The following SH3PXD2A variants were observed in gnomAD, a reference collection of about 807,000 sequenced individuals.
SH3PXD2A encodes the protein SH3 and PX domains 2A.
In SH3PXD2A, 32 loss-of-function variants were observed where a neutral mutation model predicts 115.2. That is an observed-to-expected ratio of 0.28 (90% CI 0.21 to 0.37). SH3PXD2A has a LOEUF of 0.37. SH3PXD2A is among the 10% of genes least tolerant of loss of function. SH3PXD2A has a pLI of 1.00. For missense variants in SH3PXD2A, 1,328 were observed against 1,498.7 expected, an observed-to-expected ratio of 0.89 and a Z score of 1.88; for synonymous variants, 610 against 629.1, an observed-to-expected ratio of 0.97 and a Z score of 0.45.
chr10:103,784,770 G>A lies in SH3PXD2A; in HGVS notation c.153+16512C>T, dbSNP rs1393562874. 6.6e-6 allele frequency among the ~76,000 whole-genome samples: 1 copy of A among 151,694 alleles called. No individual in the cohort carries two copies. Among genetic ancestry groups the A allele is most frequent in the Admixed American group, 6.6e-5 (1 of 15,228 alleles). The stretch of plus-strand genomic sequence containing the variant: ...GAGGAGGAGAAGTAAGAAGGAGGAA[G>A]GAAGGGGAGAAGGGGGAAAAGGAGA... On this transcript the variant is annotated intron_variant, in intron 2 of 14. Transcript: ENST00000369774. The surrounding 1 kb of genome is among the most constrained non-coding windows in gnomAD (Gnocchi z 4.4).
In SH3PXD2A at chr10:103,613,040, C is replaced by T. The variant is rs764663300; in HGVS notation, c.1071G>A (p.Gly357=). The change falls in exon 12 of 15, where the codon GGG becomes GGA. Residue 357 remains glycine (G), a synonymous_variant. Coordinates refer to ENST00000369774, the MANE Select transcript of SH3PXD2A (RefSeq NM_001394015.1). ...CTTCGGCTGGTGGAGTTTCCTTGTC[C>T]CCAGACGCCTTCTTGTTCAGCAGGT... is the stretch of plus-strand genomic sequence containing the variant. ...ISNLLNKKAS[G]DKETPPAEGE... is the part of the protein sequence containing the mutation. 1 of 1,614,116 alleles carries T rather than the reference C, an allele frequency of 6.2e-7. No individual in the cohort carries two copies. Among genetic ancestry groups the T allele is most frequent in the Non-Finnish European group, 8.5e-7 (1 of 1,180,056 alleles).
rs1284859979 is a variant in SH3PXD2A at position 103,701,597 on chromosome 10, GCATCCATCATC to G, written c.399-8552_399-8542del. Among the ~76,000 whole-genome samples the G allele has an allele frequency of 2.7e-3, 195 of 73,252 alleles. 1 individual carries two copies. In the South Asian group the frequency reaches 0.071, roughly 27 times the overall value. The allele number at this position is 73,252 out of a possible 152,430, so 48.1% of individuals were successfully genotyped here. A position where few individuals can be genotyped will look rare whatever the true frequency, so the allele number is the denominator to read the frequency against. The stretch of plus-strand genomic sequence containing the variant: ...CATCCATCCATCATCCATCCATCAT[GCATCCATCATC>G]CATCCATCATCCATCCATCCACCAT... On this transcript the variant is annotated intron_variant, in intron 5 of 14. Transcript: ENST00000369774.
chr10:103,615,102 C>T (rs765521763), intron 11 of SH3PXD2A, among the ~76,000 whole-genome samples: 18 of 152,198 alleles, frequency 1.2e-4, no homozygotes, highest in Non-Finnish European at 1.5e-4. Context: ...CCAACAACTA[C>T]GGCTCAGAAA....
At chr10:103,675,063 C>A (rs986885289) in intron 6 of SH3PXD2A, among the ~76,000 whole-genome samples, 3 of 152,088 alleles carry the variant, frequency 2.0e-5, no homozygotes, top group African/African-American at 7.2e-5. Context: ...ATACCCATGG[C>A]ATGAAAAAAG....
At chr10:103,733,723 A>C (rs1409771107) in intron 4 of SH3PXD2A, among the ~76,000 whole-genome samples, 1 of 152,208 alleles carries the variant, frequency 6.6e-6, no homozygotes, top group Non-Finnish European at 1.5e-5. Flanking sequence ...TGGGAATGCC[A>C]GTTAATAAAT....
chr10:103,754,917 A>C (rs999659881), intron 3 of SH3PXD2A: 9 of 152,194 alleles, frequency 5.9e-5, no homozygotes, highest in African/African-American at 2.2e-4. Context: ...AGCCCTAAAG[A>C]CACAGTAGAC....
At chr10:103,629,164 G>A (rs528445576) in intron 8 of SH3PXD2A, among the ~76,000 whole-genome samples, 8 of 152,334 alleles carry the variant, frequency 5.3e-5, no homozygotes, top group Admixed American at 3.3e-4. Context: ...CTGGAAGAGG[G>A]CAGGTGGGCA....
intron 1 of SH3PXD2A, among the ~76,000 whole-genome samples, chr10:103,822,289 C>G (rs1020519595): frequency 2.6e-5 from 4 of 152,228 alleles, no homozygotes; most frequent in African/African-American, 7.2e-5. Flanking sequence ...TGCACAAAAG[C>G]AACTTTATTA....
intron 13 of SH3PXD2A, chr10:103,608,648 AAAAG>A (rs1166137097): frequency 6.6e-6 from 1 of 151,068 alleles, no homozygotes; most frequent in Non-Finnish European, 1.5e-5. Flanking sequence ...AAAAAAAAAA[AAAAG>A]AGAAAAAAAC....
At position 103,627,096 on chromosome 10, in the gene SH3PXD2A, A is replaced by C; in HGVS notation, c.711T>G (p.Thr237=). The change falls in exon 9 of 15, where the codon ACT becomes ACG. Residue 237 remains threonine (T), a synonymous_variant. Coordinates refer to ENST00000369774, the MANE Select transcript of SH3PXD2A (RefSeq NM_001394015.1). This position sits in a 1 kb window ranked among gnomAD's most constrained non-coding sequence, Gnocchi z 4.4. The stretch of plus-strand genomic sequence containing the variant: ...GGACCTGCAAGCCCTCACCTTCTCC[A>C]GTCTTAGAGGTGTTGATGTCGGAGT... The part of the protein sequence containing the change: ...RDDSDINTSK[T]GEVSKRRKAH... 1 of 1,597,328 alleles carries C rather than the reference A, an allele frequency of 6.3e-7. No individual in the cohort carries two copies. Among genetic ancestry groups the C allele is most frequent in the Non-Finnish European group, 8.6e-7 (1 of 1,164,680 alleles).
intron 6 of SH3PXD2A, among the ~76,000 whole-genome samples, chr10:103,670,552 C>T (rs1355640211): frequency 1.3e-5 from 2 of 152,180 alleles, no homozygotes; most frequent in South Asian, 2.1e-4. Context: ...AGGACAAGAA[C>T]TAGACAGTGT....
intron 1 of SH3PXD2A, among the ~76,000 whole-genome samples, chr10:103,849,095 T>C (rs1389791139): frequency 6.6e-6 from 1 of 151,748 alleles, no homozygotes; most frequent in East Asian, 1.9e-4. Context: ...ACAGGTGCTC[T>C]GGGACAACAC....
At chr10:103,789,452 C>A (rs1323581757) in intron 2 of SH3PXD2A, among the ~76,000 whole-genome samples, 5 of 152,094 alleles carry the variant, frequency 3.3e-5, no homozygotes, top group Admixed American at 1.3e-4. Flanking sequence ...TCCAGAGGTG[C>A]CAGGAGGCAC....
chr10:103,806,177 A>G (rs1004765469), intron 1 of SH3PXD2A, among the ~76,000 whole-genome samples: 1 of 152,098 alleles, frequency 6.6e-6, no homozygotes, highest in Non-Finnish European at 1.5e-5. Flanking sequence ...GGTTCTCCCA[A>G]ACTTCGGGGA....
intron 5 of SH3PXD2A, among the ~76,000 whole-genome samples, chr10:103,706,097 G>A (rs1329209437): frequency 6.6e-6 from 1 of 152,172 alleles, no homozygotes; most frequent in African/African-American, 2.4e-5. Context: ...GGGCTGGCAT[G>A]AGAATGTCCA....
chr10:103,662,415 CGGAGTCT>C (rs1222463102), intron 7 of SH3PXD2A, among the ~76,000 whole-genome samples: 1 of 80,950 alleles, frequency 1.2e-5, no homozygotes, highest in Non-Finnish European at 2.1e-5. Flanking sequence ...TTTTTTGAGA[CGGAGTCT>C]CGCTCTGTCG....
chr10:103,667,310 C>T (rs910301333), intron 7 of SH3PXD2A, among the ~76,000 whole-genome samples: 1 of 152,178 alleles, frequency 6.6e-6, no homozygotes, highest in Non-Finnish European at 1.5e-5. Context: ...ACCCCAGGCT[C>T]CCCACGACTC....
At chr10:103,829,583 T>C (rs1589474625) in intron 1 of SH3PXD2A, among the ~76,000 whole-genome samples, 4 of 152,288 alleles carry the variant, frequency 2.6e-5, no homozygotes, top group African/African-American at 9.6e-5. Flanking sequence ...CAAAGCTCCA[T>C]GAAGCAAGGC....
intron 6 of SH3PXD2A, among the ~76,000 whole-genome samples, chr10:103,687,143 T>C (rs1224369572): frequency 2.6e-5 from 4 of 152,212 alleles, no homozygotes; most frequent in African/African-American, 9.6e-5. Flanking sequence ...AGTCAGTAGC[T>C]GAAAGGCCTT....
Sources: gnomAD v4.1 joint callset for allele counts (sites outside exome capture counted in the v4.1 genomes callset) on GRCh38, gnomAD v4.1.1 for gene constraint, Gnocchi (gnomAD v3.1) non-coding constraint, MANE v1.5 for transcripts, NCBI Gene and HGNC (gene_info 2026-07-23, HGNC 2026-07-21) for gene names.